WNK2: variants seen among roughly 807,000 people sequenced by gnomAD.
WNK2 encodes serine/threonine-protein kinase WNK2.
WNK2 carries 67 observed loss-of-function variants against 192.1 expected under a neutral mutation model. That is an observed-to-expected ratio of 0.35 (90% confidence interval 0.29 to 0.43). The LOEUF (loss-of-function observed/expected upper bound fraction) is 0.43, where lower values mean the gene tolerates loss of function less well. Ranked by LOEUF, WNK2 falls within the 20% of genes least tolerant of loss-of-function variation. The pLI is 1.00. For synonymous variants in WNK2, 1,439 were observed against 1,393.9 expected (o/e 1.03, Z -0.72); for missense variants, 2,698 against 3,089.7 (o/e 0.87, Z 3.01).
chr9:93,245,015 G>GT (rs1244895617), intron 7 of WNK2, among the ~76,000 whole-genome samples: 87 of 152,110 alleles, frequency 5.7e-4, no homozygotes, highest in African/African-American at 1.8e-3. Context: ...CACCTCACTG[G>GT]TCCCCCCTCC....
chr9:93,230,564 C>T (rs888351141), intron 3 of WNK2, among the ~76,000 whole-genome samples: 5 of 152,192 alleles, frequency 3.3e-5, no homozygotes, highest in African/African-American at 7.2e-5. Context: ...GCTGGTACTC[C>T]GTCCTGCCTT....
intron 19 of WNK2, among the ~76,000 whole-genome samples, chr9:93,279,206 G>T (rs761438100): frequency 1.3e-5 from 2 of 152,194 alleles, no homozygotes; most frequent in Non-Finnish European, 2.9e-5. Context: ...AAACATGTTT[G>T]TGTAGAAAAA....
chr9:93,306,600 A>G (rs1588602884), intron 26 of WNK2, 177 bp from the exon 27 acceptor site: 2 of 735,182 alleles, frequency 2.7e-6, no homozygotes, highest in Non-Finnish European at 2.3e-6. Context: ...GGGAGCCTGC[A>G]CCCTCTCTCC....
chr9:93,233,902 G>A (rs746131291), intron 4 of WNK2, among the ~76,000 whole-genome samples: 5 of 152,100 alleles, frequency 3.3e-5, no homozygotes, highest in Non-Finnish European at 7.3e-5. Flanking sequence ...CATTCAGCGC[G>A]ACAGACATGC....
chr9:93,184,754 T>C (rs1006183235), intron 1 of WNK2, among the ~76,000 whole-genome samples, 174 bp from the exon 2 acceptor site: 2 of 151,890 alleles, frequency 1.3e-5, no homozygotes, highest in Non-Finnish European at 2.9e-5. Context: ...CCCAAGCCTC[T>C]GGTCCCGTCT....
chr9:93,264,164 A>G, intron 16 of WNK2, 131 bp downstream of exon 16: 3 of 698,822 alleles, frequency 4.3e-6, no homozygotes, highest in Admixed American at 4.2e-5. Context: ...GCTTTTCGGG[A>G]CAGTGCTGAC....
At chr9:93,275,159 T>C (rs747164934) in intron 19 of WNK2, among the ~76,000 whole-genome samples, 1 of 152,180 alleles carries the variant, frequency 6.6e-6, no homozygotes, top group African/African-American at 2.4e-5. Context: ...AAGAAACATA[T>C]GATCATAACA....
intron 16 of WNK2, among the ~76,000 whole-genome samples, chr9:93,265,435 G>T (rs990649386): frequency 2.6e-5 from 4 of 152,212 alleles, no homozygotes; most frequent in African/African-American, 9.7e-5. Flanking sequence ...ACTGGCTTAG[G>T]CTGAAGACAT....
chr9:93,243,037 G>C (rs887060244), intron 7 of WNK2, among the ~76,000 whole-genome samples: 2 of 152,216 alleles, frequency 1.3e-5, no homozygotes, highest in African/African-American at 2.4e-5. Context: ...CTGAGCGGCA[G>C]AGGGGACATC....
chr9:93,292,916 AC>A lies in WNK2; in HGVS notation c.5456del (p.Pro1819ArgfsTer10). 1 of 1,523,632 alleles carries A rather than the reference AC, an allele frequency of 6.6e-7. No individual in the cohort carries two copies. The allele number at this position is 1,523,632 out of a possible 1,614,324, so 94.4% of individuals were successfully genotyped here. ...CTGGGGACGAGGGCCCTCGGGCGAG[AC>A]CCCCGGTGCAGAAGCAGGCGTCCCT... ...DSGDEGPRARPPVQKQASLPV... is the reference protein window; with the variant it reads ...DSGDEGPRARXPVQKQASLPV... On this transcript the variant is annotated frameshift_variant, in exon 23 of 30. Transcript: ENST00000427277. LOFTEE classifies it high-confidence loss of function.
At chr9:93,220,207 A>G (rs757467076) in intron 2 of WNK2, among the ~76,000 whole-genome samples, 1 of 152,280 alleles carries the variant, frequency 6.6e-6, no homozygotes, top group Non-Finnish European at 1.5e-5. Context: ...AGGGCTGGAC[A>G]CTGTGGGGGA....
In WNK2 at chr9:93,247,526, C is replaced by T; in HGVS notation, c.1543-17C>T. The T allele has an allele frequency of 6.2e-7, 1 of 1,606,274 alleles. No individual in the cohort carries two copies. The highest frequency in any genetic ancestry group is 1.7e-4 in the Middle Eastern group (1 of 6,054). On this transcript the variant is annotated splice_polypyrimidine_tract_variant and intron_variant, in intron 7 of 29. Coordinates refer to ENST00000427277, the MANE Select transcript of WNK2 (RefSeq NM_006648.4). This position sits in a 1 kb window ranked among gnomAD's most constrained non-coding sequence, Gnocchi z 5.2. ...GGCTGATCCCCAGCGATGCTGACAA[C>T]ATGACTGCCTTTACAGATTGAGTCT...
At chr9:93,190,228 CG>C (rs777578408) in intron 2 of WNK2, among the ~76,000 whole-genome samples, 9 of 152,196 alleles carry the variant, frequency 5.9e-5, no homozygotes, top group African/African-American at 1.2e-4. Context: ...GAAATGTGGG[CG>C]CCAAGCTCTC....
intron 2 of WNK2, among the ~76,000 whole-genome samples, chr9:93,214,103 C>T (rs1025094638): frequency 2.6e-5 from 4 of 152,054 alleles, no homozygotes; most frequent in Non-Finnish European, 5.9e-5. Context: ...TTCTTTCTTG[C>T]GTTTCCAAAC....
intron 2 of WNK2, among the ~76,000 whole-genome samples, chr9:93,228,829 TGAGGGATGAGGTGGGAGAGAGCGTGGC>T (rs1202303446): frequency 6.6e-6 from 1 of 151,826 alleles, no homozygotes; most frequent in Non-Finnish European, 1.5e-5. Flanking sequence ...GGGACTATAG[TGAGGGATGAGGTGGGAGAGAGCGTGGC>T]GAGGGATGGG....
chr9:93,226,204 A>G (rs918853916), intron 2 of WNK2, among the ~76,000 whole-genome samples: 3 of 152,226 alleles, frequency 2.0e-5, no homozygotes, highest in African/African-American at 7.2e-5. Flanking sequence ...TTCTGACATT[A>G]CACTAGAACA....
chr9:93,221,560 A>G (rs1021855491), intron 2 of WNK2, among the ~76,000 whole-genome samples: 1 of 152,212 alleles, frequency 6.6e-6, no homozygotes, highest in African/African-American at 2.4e-5. Flanking sequence ...AGTAATTGGC[A>G]CAAGAGCTCC....
chr9:93,258,473 G>T (rs1185854106), intron 11 of WNK2, among the ~76,000 whole-genome samples: 1 of 152,158 alleles, frequency 6.6e-6, no homozygotes, highest in Non-Finnish European at 1.5e-5. Context: ...AGATGCTCAG[G>T]GCCAGTCTGG....
intron 13 of WNK2, 109 bp from the exon 14 acceptor site, chr9:93,262,561 C>A: frequency 1.6e-6 from 2 of 1,212,904 alleles, no homozygotes; most frequent in Non-Finnish European, 1.2e-6. Flanking sequence ...CGCAGCGGGG[C>A]AGGCTGGGCT....
Sources: gnomAD v4.1 joint callset for allele counts (sites outside exome capture counted in the v4.1 genomes callset) on GRCh38, gnomAD v4.1.1 for gene constraint, Gnocchi (gnomAD v3.1) non-coding constraint, MANE v1.5 for transcripts, NCBI Gene and HGNC (gene_info 2026-07-23, HGNC 2026-07-21) for gene names.